Variants in PLEKHA6 observed in about 807,000 individuals in gnomAD.
PLEKHA6 encodes the protein pleckstrin homology domain-containing family A member 6.
PLEKHA6 carries 60 observed loss-of-function variants against 116.7 expected under a neutral mutation model. The observed-to-expected ratio is 0.51, with a 90% CI of 0.42 to 0.64. PLEKHA6 has a LOEUF of 0.64. PLEKHA6 is among the 30% of genes least tolerant of loss of function. PLEKHA6 has a pLI of 0.00. For synonymous variants in PLEKHA6, 489 were observed against 556.1 expected (o/e 0.88, Z 1.70); for missense variants, 1,338 against 1,422.7 (o/e 0.94, Z 0.96).
intron 18 of PLEKHA6, among the ~76,000 whole-genome samples, chr1:204,230,136 A>C (rs1571753853): frequency 6.6e-6 from 1 of 152,268 alleles, no homozygotes; most frequent in African/African-American, 2.4e-5. Flanking sequence ...ATTCTGTACT[A>C]TTCTCTATTA....
chr1:204,265,088 A>C (rs1553259100), intron 5 of PLEKHA6, 46 bp from the exon 6 acceptor site: 2 of 1,310,116 alleles, frequency 1.5e-6, no homozygotes, highest in Non-Finnish European at 2.2e-6. Flanking sequence ...TGTGTGTGCA[A>C]GCGTGTGCGT....
At chr1:204,263,041 T>C (rs1015061870) in intron 6 of PLEKHA6, among the ~76,000 whole-genome samples, 1 of 152,232 alleles carries the variant, frequency 6.6e-6, no homozygotes, top group South Asian at 2.1e-4. Context: ...GAGCAGCCTG[T>C]GTGTGCAGAA....
At chr1:204,299,962 T>A (rs1052103323) in intron 1 of PLEKHA6, among the ~76,000 whole-genome samples, 29 of 152,228 alleles carry the variant, frequency 1.9e-4, no homozygotes, top group African/African-American at 7.0e-4. Context: ...AGGAACACCA[T>A]GGACACATGT....
intron 1 of PLEKHA6, among the ~76,000 whole-genome samples, chr1:204,352,437 T>A (rs114325691): frequency 0.049 from 7,395 of 152,202 alleles, 553 homozygotes; most frequent in African/African-American, 0.16. Flanking sequence ...TTCTTCATAT[T>A]ATTTTATTTC....
rs1259867132 is a variant in PLEKHA6, at chr1:204,312,938, C to T, written c.-94-38129G>A. ...TCCTTCCTTCCTTCCTTGCATTGCCCAGGCCAGTCTTGAACTCCTGGCCTC... is the reference window on the plus strand; with the variant it reads ...TCCTTCCTTCCTTCCTTGCATTGCCTAGGCCAGTCTTGAACTCCTGGCCTC... On this transcript the variant is annotated intron_variant, in intron 1 of 22. Coordinates refer to ENST00000272203, the MANE Select transcript of PLEKHA6 (RefSeq NM_014935.5). 7.3e-5 allele frequency among the ~76,000 whole-genome samples: 11 copies of T among 150,518 alleles called. 1 individual carries two copies. The highest frequency in any genetic ancestry group is 7.3e-4 in the Admixed American group (11 of 15,064).
chr1:204,312,193 C>A (rs1309081625), intron 1 of PLEKHA6, among the ~76,000 whole-genome samples: 2 of 152,356 alleles, frequency 1.3e-5, no homozygotes, highest in East Asian at 3.9e-4. Context: ...CTTTTCCCTA[C>A]AGTCCAAGGC....
intron 3 of PLEKHA6, among the ~76,000 whole-genome samples, chr1:204,365,630 G>A (rs901312212): frequency 6.6e-6 from 1 of 152,212 alleles, no homozygotes; most frequent in Non-Finnish European, 1.5e-5. Context: ...AGCTGAAGCA[G>A]AAATCAATTA....
chr1:204,264,523 C>A (rs1198046131), intron 6 of PLEKHA6, among the ~76,000 whole-genome samples: 2 of 152,012 alleles, frequency 1.3e-5, no homozygotes, highest in Admixed American at 1.3e-4. Flanking sequence ...GGGGAGGAAG[C>A]CTTTCCAGAA....
At chr1:204,299,712 T>C in intron 1 of PLEKHA6, 1 of 832,440 alleles carries the variant, frequency 1.2e-6, no homozygotes, top group South Asian at 5.5e-5. Context: ...CCCCCTCATG[T>C]CTTCTTTAGA....
At chr1:204,328,391 TTTTC>T (rs1415537310) in intron 1 of PLEKHA6, among the ~76,000 whole-genome samples, 14 of 145,476 alleles carry the variant, frequency 9.6e-5, no homozygotes, top group Non-Finnish European at 1.9e-4. Context: ...CCACAGTCAA[TTTTC>T]TTTCTTTTTT....
chr1:204,296,217 C>T (rs1009862505), intron 1 of PLEKHA6, among the ~76,000 whole-genome samples: 1 of 152,108 alleles, frequency 6.6e-6, no homozygotes, highest in Non-Finnish European at 1.5e-5. Flanking sequence ...GCATCCTCCT[C>T]CCCATGTGGA....
rs150616061 is a variant in PLEKHA6, at chr1:204,288,734, G to T, written c.-94-13925C>A. On this transcript the variant is annotated intron_variant, in intron 1 of 22. Transcript: ENST00000272203. ...TTTGAGCCTGGCTGTTCAGCTAGAG[G>T]GTTTGTTTTTATTTTTATTTTTTTA... 1.8e-3 allele frequency among the ~76,000 whole-genome samples: 281 copies of T among 152,190 alleles called. 6 individuals carry two copies. The East Asian group carries it at 0.049, about 27-fold the overall frequency.
chr1:204,236,386 T>C (rs1662054153), intron 17 of PLEKHA6, among the ~76,000 whole-genome samples: 1 of 152,202 alleles, frequency 6.6e-6, no homozygotes, highest in Admixed American at 6.5e-5. Context: ...TTAGTCACTT[T>C]AGACCTACTC....
chr1:204,286,690 T>A (rs1164395043), intron 1 of PLEKHA6, among the ~76,000 whole-genome samples: 1 of 151,974 alleles, frequency 6.6e-6, no homozygotes, highest in Non-Finnish European at 1.5e-5. Flanking sequence ...ACAGTTTGCA[T>A]CCCCCATGAA....
At chr1:204,373,086 CTT>C (rs973883787) in intron 1 of PLEKHA6, among the ~76,000 whole-genome samples, 13 of 113,396 alleles carry the variant, frequency 1.1e-4, no homozygotes, top group South Asian at 2.9e-4. Flanking sequence ...TTTTTTCTTT[CTT>C]TTTTTTTTTT....
At chr1:204,341,317 G>C (rs1473001874) in intron 1 of PLEKHA6, among the ~76,000 whole-genome samples, 2 of 152,184 alleles carry the variant, frequency 1.3e-5, no homozygotes, top group East Asian at 3.8e-4. Context: ...ACCCACCAGA[G>C]ACCAACTGAA....
intron 1 of PLEKHA6, among the ~76,000 whole-genome samples, chr1:204,338,481 G>A (rs1412523723): frequency 1.3e-5 from 2 of 152,172 alleles, no homozygotes; most frequent in East Asian, 3.8e-4. Flanking sequence ...TGTGAAAAAG[G>A]GGAAAGCAGA....
intron 1 of PLEKHA6, among the ~76,000 whole-genome samples, chr1:204,297,613 C>CG (rs1670405304): frequency 2.5e-5 from 3 of 121,598 alleles, no homozygotes; most frequent in Admixed American, 8.9e-5. Context: ...TCATCGGCAA[C>CG]AGGGGGGGTG....
chr1:204,247,950 T>C (rs4951330), intron 12 of PLEKHA6, among the ~76,000 whole-genome samples: 104,277 of 150,106 alleles, frequency 0.69, 36,575 homozygotes, highest in East Asian at 0.82. Context: ...GAGACCCTGT[T>C]CTTAAAAAAA....
Sources: allele counts gnomAD v4.1 joint callset (sites outside exome capture counted in the v4.1 genomes callset), GRCh38; gene constraint gnomAD v4.1.1; transcripts MANE v1.5; gene names NCBI Gene and HGNC (gene_info 2026-07-23, HGNC 2026-07-21).